Variants in REDIC1 observed in about 807,000 individuals in gnomAD.
REDIC1 encodes HEI10 Interacting Protein 1.
At chr12:39,784,607 A>G in the REDIC1 span, among the ~76,000 whole-genome samples, 21 of 152,352 alleles carry the variant, frequency 1.4e-4, no homozygotes, top group African/African-American at 4.6e-4. Context: ...TGTTAGACCT[A>G]AAACCATAAA....
chr12:39,813,475 C>T, the REDIC1 span, among the ~76,000 whole-genome samples: 1 of 152,066 alleles, frequency 6.6e-6, no homozygotes, highest in African/African-American at 2.4e-5. Flanking sequence ...ATTTCAGATA[C>T]CATATTTCAT....
the REDIC1 span, among the ~76,000 whole-genome samples, chr12:39,810,464 C>T: frequency 6.6e-6 from 1 of 152,078 alleles, no homozygotes; most frequent in African/African-American, 2.4e-5. Flanking sequence ...CCTTTCCAAA[C>T]TGTATGCCTT....
the REDIC1 span, among the ~76,000 whole-genome samples, chr12:39,653,558 T>TTCTTCTTCTTCTTTTTA: frequency 2.3e-5 from 1 of 43,844 alleles, no homozygotes; most frequent in East Asian, 4.9e-4. Flanking sequence ...CTTCTTCTTC[T>TTCTTCTTCTTCTTTTTA]TTCTTCTTCT....
the REDIC1 span, among the ~76,000 whole-genome samples, chr12:39,887,179 T>C: frequency 1.6e-4 from 24 of 152,254 alleles, no homozygotes; most frequent in Admixed American, 7.9e-4. Context: ...TATTTTCATT[T>C]TTGATAAAGT....
At chr12:39,776,808 C>T in the REDIC1 span, among the ~76,000 whole-genome samples, 1 of 152,160 alleles carries the variant, frequency 6.6e-6, no homozygotes, top group Non-Finnish European at 1.5e-5. Context: ...AAGCATGTCT[C>T]TTTTCTGCTT....
chr12:39,701,850 A>G, the REDIC1 span, among the ~76,000 whole-genome samples: 1 of 152,220 alleles, frequency 6.6e-6, no homozygotes, highest in South Asian at 2.1e-4. Context: ...CTGGGTACAT[A>G]ACGAAATGAA....
chr12:39,690,762 C>T, the REDIC1 span, among the ~76,000 whole-genome samples: 2 of 151,974 alleles, frequency 1.3e-5, no homozygotes, highest in Non-Finnish European at 2.9e-5. Context: ...AAAGCCCATT[C>T]GGAAAAGAGA....
At chr12:39,893,700 T>G in the REDIC1 span, among the ~76,000 whole-genome samples, 1 of 152,198 alleles carries the variant, frequency 6.6e-6, no homozygotes, top group East Asian at 1.9e-4. Flanking sequence ...GCAATAAAGA[T>G]TATGTGCTTT....
the REDIC1 span, chr12:39,864,688 C>T: frequency 6.3e-7 from 1 of 1,576,544 alleles, no homozygotes; most frequent in Non-Finnish European, 8.6e-7. Flanking sequence ...ATCTCTACAA[C>T]TTTAAAAAAG....
chr12:39,688,300 T>G, the REDIC1 span, among the ~76,000 whole-genome samples: 3 of 152,204 alleles, frequency 2.0e-5, no homozygotes, highest in African/African-American at 7.2e-5. Context: ...CTTCTAAGTT[T>G]CATCTGTAAA....
chr12:39,751,487 A>G, the REDIC1 span, among the ~76,000 whole-genome samples: 1 of 152,228 alleles, frequency 6.6e-6, no homozygotes, highest in African/African-American at 2.4e-5. Context: ...TGTGGAAGAC[A>G]GTGTGGCGAT....
chr12:39,721,316 G>C, the REDIC1 span: 1 of 1,355,352 alleles, frequency 7.4e-7, no homozygotes, highest in Non-Finnish European at 1.0e-6. Context: ...AGTAAATGTT[G>C]AAAATTTCAT....
At chr12:39,772,507 T>C in the REDIC1 span, among the ~76,000 whole-genome samples, 7 of 152,190 alleles carry the variant, frequency 4.6e-5, 1 homozygote, top group South Asian at 1.5e-3. Context: ...ATTTGTTTAA[T>C]TGTGAGTAGA....
chr12:39,808,045 T>C, the REDIC1 span, among the ~76,000 whole-genome samples: 2 of 152,168 alleles, frequency 1.3e-5, no homozygotes, highest in East Asian at 3.8e-4. Flanking sequence ...GTTTTGACAA[T>C]GTATAAATCC....
chr12:39,898,276 T>C, the REDIC1 span, among the ~76,000 whole-genome samples: 1 of 152,074 alleles, frequency 6.6e-6, no homozygotes, highest in Admixed American at 6.6e-5. Flanking sequence ...AAGAAGAAAC[T>C]CTTTCGAAAA....
chr12:39,867,731 A>T, the REDIC1 span, among the ~76,000 whole-genome samples: 1 of 152,034 alleles, frequency 6.6e-6, no homozygotes, highest in Non-Finnish European at 1.5e-5. Context: ...CCAGCATTAT[A>T]CTCTTTTGTT....
At chr12:39,803,440 A>C in the REDIC1 span, among the ~76,000 whole-genome samples, 1 of 152,224 alleles carries the variant, frequency 6.6e-6, no homozygotes, top group Non-Finnish European at 1.5e-5. Context: ...AGGAGCAAAA[A>C]TAAGCATGAG....
At chr12:39,829,392 C>CTTTTTTTTTGTTTT in the REDIC1 span, 1 of 65,796 alleles carries the variant, frequency 1.5e-5, no homozygotes, top group Non-Finnish European at 2.5e-5. Context: ...GATAGTAATT[C>CTTTTTTTTTGTTTT]TTTTTTTTTT....
the REDIC1 span, among the ~76,000 whole-genome samples, chr12:39,855,295 T>C: frequency 6.6e-6 from 1 of 152,268 alleles, no homozygotes; most frequent in African/African-American, 2.4e-5. Flanking sequence ...ATAACAAGTT[T>C]ATTTTTAAAA....
Sources: allele counts gnomAD v4.1 joint callset (sites outside exome capture counted in the v4.1 genomes callset), GRCh38; gene constraint gnomAD v4.1.1; transcripts MANE v1.5; gene names NCBI Gene and HGNC (gene_info 2026-07-23, HGNC 2026-07-21).